The following ARK2C variants were observed in gnomAD, a reference collection of about 807,000 sequenced individuals.
The protein encoded by ARK2C is E3 ubiquitin-protein ligase ARK2C.
chr18:46,355,011 A>G, the ARK2C span, among the ~76,000 whole-genome samples: 1 of 152,140 alleles, frequency 6.6e-6, no homozygotes, highest in South Asian at 2.1e-4. Flanking sequence ...GTGCAGTGGT[A>G]CAATCTCAGC....
chr18:46,376,980 T>C, the ARK2C span, among the ~76,000 whole-genome samples: 1 of 152,174 alleles, frequency 6.6e-6, no homozygotes, highest in Non-Finnish European at 1.5e-5. Context: ...GAATCTTTTA[T>C]GTGTAGGGAT....
chr18:46,343,964 C>T, the ARK2C span, among the ~76,000 whole-genome samples: 6 of 152,214 alleles, frequency 3.9e-5, no homozygotes, highest in South Asian at 2.1e-4. Flanking sequence ...GGCCACTGAG[C>T]GGGACATTCC....
the ARK2C span, among the ~76,000 whole-genome samples, chr18:46,383,594 A>G: frequency 2.4e-5 from 3 of 125,426 alleles, no homozygotes; most frequent in Admixed American, 2.1e-4. Flanking sequence ...TCACTCTGTC[A>G]CCCAGATTGG....
chr18:46,363,987 C>T, the ARK2C span, among the ~76,000 whole-genome samples: 1 of 148,364 alleles, frequency 6.7e-6, no homozygotes, highest in South Asian at 2.2e-4. Context: ...TCTCTCTGCC[C>T]CCCAGGCTAG....
At chr18:46,454,105 C>T in the ARK2C span, among the ~76,000 whole-genome samples, 5 of 99,340 alleles carry the variant, frequency 5.0e-5, no homozygotes, top group East Asian at 5.3e-4. Context: ...AGGGCAAGGC[C>T]GTCTCAAAAA....
the ARK2C span, among the ~76,000 whole-genome samples, chr18:46,406,220 G>A: frequency 6.6e-6 from 1 of 152,102 alleles, no homozygotes; most frequent in Non-Finnish European, 1.5e-5. Context: ...ACTCCCAATA[G>A]CTCTTGTTGC....
At chr18:46,448,553 C>T in the ARK2C span, among the ~76,000 whole-genome samples, 1 of 152,124 alleles carries the variant, frequency 6.6e-6, no homozygotes, top group Non-Finnish European at 1.5e-5. Context: ...TCAGTACCTC[C>T]CTAGGCTTTG....
chr18:46,354,077 C>T, the ARK2C span, among the ~76,000 whole-genome samples: 6 of 152,220 alleles, frequency 3.9e-5, no homozygotes, highest in Non-Finnish European at 7.3e-5. Flanking sequence ...GGAGCCACAA[C>T]GTTCACCAGG....
chr18:46,405,230 A>C, the ARK2C span, among the ~76,000 whole-genome samples: 1 of 152,122 alleles, frequency 6.6e-6, no homozygotes, highest in Admixed American at 6.5e-5. Flanking sequence ...TGTGTAGCTC[A>C]GAGGTCAGCA....
At chr18:46,443,730 A>G in the ARK2C span, among the ~76,000 whole-genome samples, 3 of 152,194 alleles carry the variant, frequency 2.0e-5, no homozygotes, top group Non-Finnish European at 2.9e-5. Context: ...ACTATTTATG[A>G]TCCTTTACAG....
chr18:46,414,922 C>T, the ARK2C span, among the ~76,000 whole-genome samples: 3 of 152,184 alleles, frequency 2.0e-5, no homozygotes, highest in Non-Finnish European at 4.4e-5. Flanking sequence ...CCCAGGGCTG[C>T]AGGAGGATGT....
At chr18:46,433,299 C>T in the ARK2C span, 2 of 1,611,596 alleles carry the variant, frequency 1.2e-6, no homozygotes, top group East Asian at 4.5e-5. Context: ...TGGCCCACCC[C>T]GTGCAGTCGC....
the ARK2C span, among the ~76,000 whole-genome samples, chr18:46,440,072 C>T: frequency 2.0e-5 from 3 of 152,124 alleles, no homozygotes; most frequent in Non-Finnish European, 4.4e-5. Context: ...TCGTGATATA[C>T]CCGCCTCGGA....
At chr18:46,439,423 C>T in the ARK2C span, among the ~76,000 whole-genome samples, 1 of 152,132 alleles carries the variant, frequency 6.6e-6, no homozygotes, top group Non-Finnish European at 1.5e-5. Flanking sequence ...CCATCTCGCT[C>T]CTGTAGGATC....
the ARK2C span, among the ~76,000 whole-genome samples, chr18:46,375,057 G>A: frequency 2.0e-5 from 3 of 152,058 alleles, no homozygotes; most frequent in Non-Finnish European, 1.5e-5. Context: ...ATGCTTTGCC[G>A]GAGGATTTGG....
the ARK2C span, among the ~76,000 whole-genome samples, chr18:46,375,751 T>C: frequency 6.6e-6 from 1 of 151,974 alleles, no homozygotes; most frequent in African/African-American, 2.4e-5. Flanking sequence ...GAGGAGATAT[T>C]TTGAGGTGGG....
At chr18:46,413,220 C>G in the ARK2C span, among the ~76,000 whole-genome samples, 1 of 152,108 alleles carries the variant, frequency 6.6e-6, no homozygotes, top group East Asian at 1.9e-4. Flanking sequence ...CTGCCCCGAC[C>G]CGTTCCAAGG....
the ARK2C span, among the ~76,000 whole-genome samples, chr18:46,373,079 G>A: frequency 6.6e-6 from 1 of 152,216 alleles, no homozygotes; most frequent in Non-Finnish European, 1.5e-5. Context: ...TCAAAAGGTA[G>A]GCTAGAAACT....
At chr18:46,440,550 T>C in the ARK2C span, among the ~76,000 whole-genome samples, 2 of 152,222 alleles carry the variant, frequency 1.3e-5, no homozygotes, top group African/African-American at 2.4e-5. Context: ...CCAGGCATCA[T>C]ATTATTTCAT....
Sources: gnomAD v4.1 joint callset for allele counts (sites outside exome capture counted in the v4.1 genomes callset) on GRCh38, gnomAD v4.1.1 for gene constraint, MANE v1.5 for transcripts, NCBI Gene and HGNC (gene_info 2026-07-23, HGNC 2026-07-21) for gene names.